GRIN2A: variants seen among roughly 807,000 people sequenced by gnomAD.
GRIN2A encodes the protein glutamate ionotropic receptor NMDA type subunit 2A, also known as glutamate receptor ionotropic, NMDA 2A.
GRIN2A carries 22 observed loss-of-function variants against 113.4 expected under a neutral mutation model. That is an observed-to-expected ratio of 0.19 (90% CI 0.14 to 0.28). The LOEUF (loss-of-function observed/expected upper bound fraction) is 0.28, where lower values mean the gene tolerates loss of function less well. Ranked by LOEUF, GRIN2A falls within the 10% of genes least tolerant of loss-of-function variation. GRIN2A has a pLI of 1.00. For missense variants in GRIN2A, 1,502 were observed against 1,887.0 expected (o/e 0.80, Z 3.78); for synonymous variants, 827 against 738.4 (o/e 1.12, Z -1.94).
rs1267116223 is a variant in GRIN2A at position 9,761,917 on chromosome 16, C to T, written c.*1232G>A. 1.5e-5 allele frequency: 3 copies of T among 205,130 alleles called. No individual in the cohort carries two copies. Among genetic ancestry groups the T allele is most frequent in the East Asian group, 7.5e-5 (1 of 13,336 alleles). 12.7% of individuals were successfully genotyped at this position (205,130 alleles called of 1,614,324 possible). A position where few individuals can be genotyped will look rare whatever the true frequency, so the allele number is the denominator to read the frequency against. On this transcript the variant is annotated 3_prime_UTR_variant, in exon 13 of 13. Coordinates refer to ENST00000330684, the MANE Select transcript of GRIN2A (RefSeq NM_001134407.3). ...TGCTTGTCTCACTAAACTGTATCCACAGTTTGGAGGATACTCAGGGTAGAT... is the reference window on the plus strand; with the variant it reads ...TGCTTGTCTCACTAAACTGTATCCATAGTTTGGAGGATACTCAGGGTAGAT...
intron 2 of GRIN2A, among the ~76,000 whole-genome samples, chr16:10,034,351 C>G (rs1197326498): frequency 6.6e-6 from 1 of 151,492 alleles, no homozygotes; most frequent in African/African-American, 2.4e-5. Context: ...ATGGTGAAAC[C>G]CTATCTCTAC....
chr16:10,114,497 G>A (rs1396257222), intron 2 of GRIN2A, among the ~76,000 whole-genome samples: 1 of 152,236 alleles, frequency 6.6e-6, no homozygotes, highest in East Asian at 1.9e-4. Flanking sequence ...AAAGCAGATT[G>A]TGTAAACACA....
chr16:9,781,723 C>T (rs1026645023), intron 11 of GRIN2A, among the ~76,000 whole-genome samples: 2 of 119,118 alleles, frequency 1.7e-5, no homozygotes, highest in Non-Finnish European at 3.5e-5. Context: ...ATCTTTAGAA[C>T]CAGTAACCTT....
At chr16:9,875,766 C>T (rs1351220093) in intron 4 of GRIN2A, among the ~76,000 whole-genome samples, 1 of 152,162 alleles carries the variant, frequency 6.6e-6, no homozygotes, top group East Asian at 1.9e-4. Flanking sequence ...AGATGACTGT[C>T]ACCCTTTGGA....
At chr16:10,067,423 A>AT (rs1420048601) in intron 2 of GRIN2A, among the ~76,000 whole-genome samples, 3 of 152,240 alleles carry the variant, frequency 2.0e-5, no homozygotes, top group African/African-American at 7.2e-5. Context: ...TTTAGGCAAA[A>AT]TAAAAAATAT....
rs142585244 is a variant in GRIN2A, at chr16:10,017,498, C to T, written c.415-78947G>A. Among the ~76,000 whole-genome samples the T allele has an allele frequency of 2.8e-3, 433 of 152,166 alleles. 1 individual carries two copies. The highest frequency in any genetic ancestry group is 9.7e-3 in the African/African-American group (401 of 41,504). On this transcript the variant is annotated intron_variant, in intron 2 of 12. Transcript: ENST00000330684. Reference sequence around the variant, plus strand: ...GCATCTTGGTTTGTTCGGCTTATTTCGAGCTATGTTAATTGCAAGTCACTA... The same window carrying T: ...GCATCTTGGTTTGTTCGGCTTATTTTGAGCTATGTTAATTGCAAGTCACTA...
intron 2 of GRIN2A, among the ~76,000 whole-genome samples, chr16:10,158,787 G>C (rs1450149457): frequency 6.6e-6 from 1 of 152,194 alleles, no homozygotes; most frequent in East Asian, 1.9e-4. Context: ...GTAACTGCTT[G>C]ATGGTTACTG....
intron 2 of GRIN2A, among the ~76,000 whole-genome samples, chr16:10,176,235 C>A (rs149442318): frequency 2.5e-4 from 38 of 152,132 alleles, no homozygotes; most frequent in African/African-American, 9.2e-4. Context: ...GAACTCCTGA[C>A]CTCAGGTGAT....
intron 4 of GRIN2A, among the ~76,000 whole-genome samples, chr16:9,886,818 G>A (rs548443656): frequency 2.6e-5 from 4 of 152,128 alleles, no homozygotes; most frequent in Non-Finnish European, 4.4e-5. Flanking sequence ...CATGTCAGGG[G>A]GTTAAATATG....
At chr16:9,881,291 G>A (rs544515432) in intron 4 of GRIN2A, among the ~76,000 whole-genome samples, 2 of 152,288 alleles carry the variant, frequency 1.3e-5, no homozygotes, top group Non-Finnish European at 2.9e-5. Flanking sequence ...TTTCTCCTAA[G>A]CATTGCTACT....
intron 2 of GRIN2A, among the ~76,000 whole-genome samples, chr16:10,086,315 T>G (rs1012592285): frequency 2.0e-5 from 3 of 152,126 alleles, no homozygotes; most frequent in African/African-American, 4.8e-5. Context: ...ACAGGAATGC[T>G]CAACAGATGT....
Position 9,938,507 on chromosome 16 carries a change from C to G in GRIN2A, c.459G>C (p.Gln153His), listed in dbSNP as rs766736618. ...TGATCTTCAGCATGACCGTGGCTTG[C>G]TGCTGGATGGACGCTCCAAACTGGA... ...TFFQFGASIQ[Q>H]QATVMLKIMQ... The change falls in exon 3 of 13, where the codon CAG becomes CAC. Residue 153 changes from glutamine (Q) to histidine (H), a missense_variant. Coordinates refer to ENST00000330684, the MANE Select transcript of GRIN2A (RefSeq NM_001134407.3). The G allele has an allele frequency of 3.7e-6, 6 of 1,610,466 alleles. No individual in the cohort carries two copies. The highest frequency in any genetic ancestry group is 1.6e-4 in the Middle Eastern group (1 of 6,084).
intron 3 of GRIN2A, among the ~76,000 whole-genome samples, chr16:9,904,005 G>C (rs2043983310): frequency 6.6e-6 from 1 of 152,212 alleles, no homozygotes; most frequent in Non-Finnish European, 1.5e-5. Flanking sequence ...AGCACTGTGA[G>C]TTGCAGAGAG....
intron 4 of GRIN2A, among the ~76,000 whole-genome samples, chr16:9,862,236 T>C (rs2043081756): frequency 6.6e-6 from 1 of 152,230 alleles, no homozygotes; most frequent in African/African-American, 2.4e-5. Flanking sequence ...ATGAGTTTAA[T>C]CAGCTATTAG....
At chr16:9,951,171 C>T (rs2045170756) in intron 2 of GRIN2A, among the ~76,000 whole-genome samples, 1 of 152,134 alleles carries the variant, frequency 6.6e-6, no homozygotes, top group Non-Finnish European at 1.5e-5. Flanking sequence ...CCTCTGGAAG[C>T]AATGCATCCA....
chr16:9,792,285 T>A (rs1048742264), intron 11 of GRIN2A, among the ~76,000 whole-genome samples: 1 of 152,168 alleles, frequency 6.6e-6, no homozygotes, highest in Non-Finnish European at 1.5e-5. Context: ...TGCAGTGACA[T>A]GATCATGGCT....
chr16:10,126,901 GCT>G (rs769502576), intron 2 of GRIN2A, among the ~76,000 whole-genome samples: 1 of 152,200 alleles, frequency 6.6e-6, no homozygotes, highest in Non-Finnish European at 1.5e-5. Flanking sequence ...CTTTTTACCA[GCT>G]CTGAGGACCT....
chr16:9,917,102 C>A (rs2044268340), intron 3 of GRIN2A, among the ~76,000 whole-genome samples: 1 of 152,212 alleles, frequency 6.6e-6, no homozygotes, highest in Non-Finnish European at 1.5e-5. Context: ...GCTGGAATGA[C>A]TTTTCTCCGG....
chr16:9,978,568 C>T (rs1207964970), intron 2 of GRIN2A, among the ~76,000 whole-genome samples: 8 of 152,106 alleles, frequency 5.3e-5, no homozygotes, highest in South Asian at 2.1e-4. Context: ...CCTCCTCTTA[C>T]TCCTCCTTAA....
Sources: allele counts gnomAD v4.1 joint callset (sites outside exome capture counted in the v4.1 genomes callset), GRCh38; gene constraint gnomAD v4.1.1; transcripts MANE v1.5; gene names NCBI Gene and HGNC (gene_info 2026-07-23, HGNC 2026-07-21).